RAF1: variants seen among roughly 807,000 people sequenced by gnomAD.
The protein encoded by RAF1 is RAF proto-oncogene serine/threonine-protein kinase.
In RAF1, 27 loss-of-function variants were observed where a neutral mutation model predicts 81.1. The ratio of observed to expected loss-of-function variants is 0.33; its 90% CI spans 0.25 to 0.46. The LOEUF is 0.46. Among genes scored for constraint, RAF1 ranks in the 20% least tolerant of loss-of-function variants. The pLI is 1.00. For missense variants in RAF1, 598 were observed against 826.0 expected (o/e 0.72, Z 3.38); for synonymous variants, 298 against 294.0 (o/e 1.01, Z -0.14).
chr3:12,658,289 A>G (rs778158227), intron 1 of RAF1, among the ~76,000 whole-genome samples: 1 of 152,270 alleles, frequency 6.6e-6, no homozygotes, highest in Non-Finnish European at 1.5e-5. Context: ...TGGAACAATT[A>G]TAAGAACATA....
At chr3:12,612,101 G>T in intron 2 of RAF1, 39 bp from the exon 3 acceptor site, 1 of 1,516,534 alleles carries the variant, frequency 6.6e-7, no homozygotes, top group Non-Finnish European at 9.2e-7. Context: ...AACACAGGCT[G>T]CAGCACCCCT....
At chr3:12,663,711 GCCGCTC>G in intron 1 of RAF1, 96 bp downstream of exon 1, 1 of 393,054 alleles carries the variant, frequency 2.5e-6, no homozygotes, top group Non-Finnish European at 4.5e-6. Flanking sequence ...CAGCCGCGGG[GCCGCTC>G]CATCAGCGCC....
intron 1 of RAF1, among the ~76,000 whole-genome samples, chr3:12,656,854 G>A (rs772213487): frequency 2.6e-5 from 4 of 151,950 alleles, no homozygotes; most frequent in South Asian, 2.1e-4. Context: ...AAATTTAGCC[G>A]GGCGTGGTGG....
At chr3:12,634,250 G>A (rs966768340) in intron 1 of RAF1, among the ~76,000 whole-genome samples, 2 of 150,356 alleles carry the variant, frequency 1.3e-5, no homozygotes, top group African/African-American at 4.9e-5. Flanking sequence ...AGGTTCAAGC[G>A]ATTCTCCTGC....
At position 12,611,957 on chromosome 3, in the gene RAF1, G is replaced by C. The variant is rs397516818; in HGVS notation, c.313C>G (p.His105Asp). The C allele has an allele frequency of 5.6e-6, 9 of 1,613,738 alleles. No homozygotes were observed. Among genetic ancestry groups the C allele is most frequent in the Non-Finnish European group, 6.8e-6 (8 of 1,179,754 alleles). Reference sequence around the variant, plus strand: ...TGACTTTTGAGCTCTTACCCTTTGTGTTCGTGGAGAAGTCTGAACACTGCA... The same window carrying C: ...TGACTTTTGAGCTCTTACCCTTTGTCTTCGTGGAGAAGTCTGAACACTGCA... Residue 105 changes from histidine to aspartate, a missense_variant, in exon 3 of 18, where the codon CAC becomes GAC. Coordinates refer to ENST00000442415, the MANE Select transcript of RAF1 (RefSeq NM_001354689.3).
At position 12,641,215 on chromosome 3, in the gene RAF1, G is replaced by A. The variant is rs553534571; in HGVS notation, c.-26-22468C>T. The stretch of plus-strand genomic sequence containing the variant: ...ACATCACACACCGGGGCCTGTCATG[G>A]GGTGGGGGGAGGGAGGAGGGATAGC... On this transcript the variant is annotated intron_variant, in intron 1 of 17. Coordinates refer to ENST00000442415, the MANE Select transcript of RAF1 (RefSeq NM_001354689.3). 3.0e-4 allele frequency among the ~76,000 whole-genome samples: 39 copies of A among 129,270 alleles called. No homozygotes were observed. In the East Asian group the frequency reaches 7.0e-3, roughly 23 times the overall value. 84.8% of individuals were successfully genotyped at this position (129,270 alleles called of 152,430 possible). A position where few individuals can be genotyped will look rare whatever the true frequency, so the allele number is the denominator to read the frequency against.
rs1398624068 is a variant in RAF1 at position 12,633,943 on chromosome 3, A to C, written c.-26-15196T>G. The stretch of plus-strand genomic sequence containing the variant: ...AGAGTAAAAACTCTCTCAAAAAAAA[A>C]AAAAAAAACAAAAAAAATCAGGAAT... On this transcript the variant is annotated intron_variant, in intron 1 of 17. Transcript: ENST00000442415. Among the ~76,000 whole-genome samples the C allele has an allele frequency of 4.0e-5, 6 of 151,800 alleles. No individual in the cohort carries two copies. The South Asian group carries it at 6.2e-4, about 16-fold the overall frequency.
At chr3:12,591,588 T>C (rs1450466790) in intron 12 of RAF1, 120 bp downstream of exon 11, 25 of 828,378 alleles carry the variant, frequency 3.0e-5, no homozygotes, top group Non-Finnish European at 5.2e-5. Flanking sequence ...CCACAGAAAC[T>C]CCACAGTGAG....
At chr3:12,603,716 A>G (rs967075698) in intron 7 of RAF1, among the ~76,000 whole-genome samples, 5 of 152,196 alleles carry the variant, frequency 3.3e-5, no homozygotes, top group Non-Finnish European at 7.3e-5. Flanking sequence ...CATCTCCCCA[A>G]ACACCTGCTT....
chr3:12,606,523 C>T (rs1575578011), intron 5 of RAF1, among the ~76,000 whole-genome samples: 1 of 152,054 alleles, frequency 6.6e-6, no homozygotes, highest in East Asian at 1.9e-4. Context: ...AATAAACATA[C>T]AGGCTCCTGT....
At chr3:12,599,591 C>A (rs935211079) in intron 11 of RAF1, 100 bp downstream of exon 10, 3 of 850,226 alleles carry the variant, frequency 3.5e-6, no homozygotes, top group Non-Finnish European at 6.2e-6. Flanking sequence ...CTGCTATAAG[C>A]CCAGGAGCAC....
rs750806254 is a variant in RAF1 at position 12,602,014 on chromosome 3, C to A, written c.894+1464G>T. On this transcript the variant is annotated intron_variant, in intron 8 of 17. Coordinates refer to ENST00000442415, the MANE Select transcript of RAF1 (RefSeq NM_001354689.3). ...AATTTCATTATCCAACTAAGCTGTT[C>A]TTTGTTTTTAAAGCAAAGCACAATT... is the stretch of plus-strand genomic sequence containing the variant. 7.2e-4 allele frequency among the ~76,000 whole-genome samples: 109 copies of A among 152,172 alleles called. No individual in the cohort carries two copies. Among genetic ancestry groups the A allele is most frequent in the Admixed American group, 2.2e-3 (33 of 15,278 alleles).
At chr3:12,586,050 C>T (rs2058323590) in intron 14 of RAF1, 3 of 484,290 alleles carry the variant, frequency 6.2e-6, no homozygotes, top group Admixed American at 6.6e-5. Context: ...CGTTTCTTCC[C>T]TGCTTCTTCT....
chr3:12,624,915 CAAG>C (rs1241825672), intron 1 of RAF1, among the ~76,000 whole-genome samples: 2 of 144,724 alleles, frequency 1.4e-5, no homozygotes, highest in African/African-American at 5.2e-5. Flanking sequence ...AAAACAAAAA[CAAG>C]GAGCTCCTAA....
At chr3:12,591,085 A>G (rs2058501561) in intron 12 of RAF1, 111 bp from the exon 12 acceptor site, 4 of 999,174 alleles carry the variant, frequency 4.0e-6, no homozygotes, top group Middle Eastern at 5.2e-4. Context: ...CCCCAGTCCC[A>G]ACACCACCCC....
chr3:12,592,463 C>T (rs2058546404), intron 11 of RAF1, among the ~76,000 whole-genome samples: 1 of 152,166 alleles, frequency 6.6e-6, no homozygotes, highest in Admixed American at 6.5e-5. Context: ...ATACTTTTAT[C>T]TCTGTTAATC....
chr3:12,645,533 T>C (rs1488657178), intron 1 of RAF1, among the ~76,000 whole-genome samples: 4 of 152,208 alleles, frequency 2.6e-5, no homozygotes, highest in African/African-American at 4.8e-5. Context: ...TATTGTTTAA[T>C]GATGTTACTA....
intron 1 of RAF1, among the ~76,000 whole-genome samples, chr3:12,638,271 T>A (rs1341337574): frequency 6.6e-6 from 1 of 152,198 alleles, no homozygotes; most frequent in Admixed American, 6.6e-5. Context: ...CTGGGCTATC[T>A]GGCAAGTGGT....
intron 1 of RAF1, among the ~76,000 whole-genome samples, chr3:12,620,618 G>A (rs11713601): frequency 0.6 from 90,724 of 151,726 alleles, 27,793 homozygotes; most frequent in East Asian, 0.92. Flanking sequence ...CCACAGACGT[G>A]CATCACCATG....
Sources: gnomAD v4.1 joint callset for allele counts (sites outside exome capture counted in the v4.1 genomes callset) on GRCh38, gnomAD v4.1.1 for gene constraint, MANE v1.5 for transcripts, NCBI Gene and HGNC (gene_info 2026-07-23, HGNC 2026-07-21) for gene names.